The following DZANK1 variants were observed in gnomAD, a reference collection of about 807,000 sequenced individuals.
The protein encoded by DZANK1 is double zinc ribbon and ankyrin repeat-containing protein 1.
DZANK1 carries 91 observed loss-of-function variants against 94.5 expected under a neutral mutation model. The observed-to-expected ratio is 0.96, with a 90% CI of 0.81 to 1.15. The LOEUF is 1.15. Ranked by LOEUF, DZANK1 falls within the 50% of genes most tolerant of loss-of-function variation. DZANK1 has a pLI of 0.00. For synonymous variants in DZANK1, 312 were observed against 325.3 expected (o/e 0.96, Z 0.44); for missense variants, 903 against 916.4 (o/e 0.99, Z 0.19).
intron 10 of DZANK1, among the ~76,000 whole-genome samples, chr20:18,416,009 G>A (rs995039485): frequency 6.6e-6 from 1 of 152,134 alleles, no homozygotes; most frequent in Non-Finnish European, 1.5e-5. Flanking sequence ...TAGGAGACTT[G>A]CTCACTTCCC....
At chr20:18,455,207 T>C in intron 4 of DZANK1, 40 bp downstream of exon 4, 3 of 1,498,982 alleles carry the variant, frequency 2.0e-6, no homozygotes, top group Non-Finnish European at 2.7e-6. Flanking sequence ...GGAACCAAAA[T>C]ACAGTGACAA....
intron 5 of DZANK1, among the ~76,000 whole-genome samples, chr20:18,453,016 G>A (rs904099124): frequency 1.3e-5 from 2 of 152,214 alleles, no homozygotes; most frequent in Non-Finnish European, 2.9e-5. Flanking sequence ...CAGTTGCAAA[G>A]TTAGCAGGAA....
intron 1 of DZANK1, among the ~76,000 whole-genome samples, chr20:18,466,500 G>A (rs1479715199): frequency 6.6e-6 from 1 of 152,180 alleles, no homozygotes; most frequent in Non-Finnish European, 1.5e-5. Context: ...TACAGATACT[G>A]ACAGCACAAC....
At chr20:18,404,521 A>G (rs1395482165) in intron 13 of DZANK1, among the ~76,000 whole-genome samples, 1 of 152,200 alleles carries the variant, frequency 6.6e-6, no homozygotes, top group Non-Finnish European at 1.5e-5. Flanking sequence ...AACAATAACA[A>G]GCCTGGAAGA....
intron 7 of DZANK1, among the ~76,000 whole-genome samples, chr20:18,447,406 C>G (rs1269676532): frequency 6.6e-6 from 1 of 152,228 alleles, no homozygotes; most frequent in African/African-American, 2.4e-5. Context: ...ACTGCAACCT[C>G]CGCCTCCCGG....
At chr20:18,390,179 C>A (rs889173288) in intron 18 of DZANK1, among the ~76,000 whole-genome samples, 200 bp downstream of exon 18, 10 of 152,174 alleles carry the variant, frequency 6.6e-5, no homozygotes, top group Admixed American at 3.9e-4. Context: ...TGCTTCTCTG[C>A]CTATTTTCTC....
intron 9 of DZANK1, among the ~76,000 whole-genome samples, chr20:18,427,697 A>T (rs2058104961): frequency 6.6e-6 from 1 of 152,138 alleles, no homozygotes; most frequent in Admixed American, 6.5e-5. Context: ...CTTAAACAGT[A>T]AACAGAAAGA....
chr20:18,392,998 G>A (rs866601159), intron 17 of DZANK1, among the ~76,000 whole-genome samples: 1 of 152,160 alleles, frequency 6.6e-6, no homozygotes, highest in African/African-American at 2.4e-5. Flanking sequence ...TCTTCCCCAT[G>A]TAAGAAGGGC....
rs2056211995 is a variant in DZANK1, at chr20:18,394,437, CCTT to C, written c.1612-90_1612-88del. 2.3e-6 allele frequency: 3 copies of C among 1,287,438 alleles called. No homozygotes were observed. In the African/African-American group the frequency reaches 4.4e-5, roughly 19 times the overall value. 79.8% of individuals were successfully genotyped at this position (1,287,438 alleles called of 1,614,324 possible). A position where few individuals can be genotyped will look rare whatever the true frequency, so the allele number is the denominator to read the frequency against. ...AGGATCTCCCTTCTAACCTGCTCCT[CCTT>C]ATTAAGTACAGCTCTACCTACCCAG... is the stretch of plus-strand genomic sequence containing the variant. On this transcript the variant is annotated intron_variant, in intron 15 of 20. Transcript: ENST00000262547.
intron 2 of DZANK1, among the ~76,000 whole-genome samples, chr20:18,464,492 T>C (rs181131419): frequency 9.9e-5 from 15 of 152,234 alleles, no homozygotes; most frequent in African/African-American, 3.6e-4. Context: ...TATTCCTGTC[T>C]TACAGTGAGG....
In DZANK1 at chr20:18,409,551, T is replaced by TACACACACAC. The variant is rs71194238; in HGVS notation, c.1432+3085_1432+3094dup. ...ACATGACCCTAGAGAGTAATATGAA[T>TACACACACAC]ACACACACACACACACACACACACA... On this transcript the variant is annotated intron_variant, in intron 13 of 20. Transcript: ENST00000262547. Among the ~76,000 whole-genome samples, 909 of 142,620 alleles carry TACACACACAC rather than the reference T, an allele frequency of 6.4e-3. 4 individuals carry two copies. Among genetic ancestry groups the TACACACACAC allele is most frequent in the African/African-American group, 0.022 (853 of 38,496 alleles). 93.6% of individuals were successfully genotyped at this position (142,620 alleles called of 152,430 possible). A position where few individuals can be genotyped will look rare whatever the true frequency, so the allele number is the denominator to read the frequency against.
rs755013699 is a variant in DZANK1 at position 18,393,704 on chromosome 20, CACTT to C, written c.1809+3_1809+6del. ...AACATCCACAAGGACCAAAAAAAGA[CACTT>C]ACTATAAGCTGCTCCTTCTTTTCTT... On this transcript the variant is annotated splice_donor_5th_base_variant and intron_variant, in intron 17 of 20. Coordinates refer to ENST00000262547, the Ensembl canonical transcript of DZANK1. 7 of 1,580,202 alleles carry C rather than the reference CACTT, an allele frequency of 4.4e-6. No homozygotes were observed. Among genetic ancestry groups the C allele is most frequent in the Non-Finnish European group, 6.1e-6 (7 of 1,154,046 alleles).
At chr20:18,451,457 G>A (rs1241894406) in intron 6 of DZANK1, among the ~76,000 whole-genome samples, 1 of 152,022 alleles carries the variant, frequency 6.6e-6, no homozygotes, top group East Asian at 1.9e-4. Flanking sequence ...CAACCTCTAA[G>A]TTGAGGACTT....
chr20:18,460,106 A>T (rs118072011), intron 3 of DZANK1, 47 bp downstream of exon 3: 23,799 of 1,278,442 alleles, frequency 0.019, 265 homozygotes, highest in Non-Finnish European at 0.021. Flanking sequence ...TTAGAACATA[A>T]TGTTATTATA....
chr20:18,416,945 T>G lies in DZANK1; in HGVS notation c.955-1496A>C, dbSNP rs529030663. Reference sequence around the variant, plus strand: ...AGACTTTTCATTGAAATGTACTGACTGTTCAAGTGGCTTTTAAACATAACA... The same window carrying G: ...AGACTTTTCATTGAAATGTACTGACGGTTCAAGTGGCTTTTAAACATAACA... On this transcript the variant is annotated intron_variant, in intron 10 of 20. Coordinates refer to ENST00000262547, the Ensembl canonical transcript of DZANK1. Among the ~76,000 whole-genome samples the G allele has an allele frequency of 2.0e-5, 3 of 152,010 alleles. No individual in the cohort carries two copies. The East Asian group carries it at 5.8e-4, about 29-fold the overall frequency.
Position 18,399,386 on chromosome 20 carries a change from C to G in DZANK1, c.1433-760G>C, listed in dbSNP as rs367612912. Among the ~76,000 whole-genome samples the G allele has an allele frequency of 1.1e-3, 172 of 152,146 alleles. 2 individuals are homozygous for G. In the Middle Eastern group the frequency reaches 0.017, roughly 15 times the overall value. ...CTGGAAATTCAAGCACGCACCACAA[C>G]GCCTGGCTAGTGTTTGTATTTTTTA... is the stretch of plus-strand genomic sequence containing the variant. On this transcript the variant is annotated intron_variant, in intron 13 of 20. Transcript: ENST00000262547.
intron 1 of DZANK1, among the ~76,000 whole-genome samples, chr20:18,466,118 G>A (rs1357691240): frequency 6.6e-6 from 1 of 152,102 alleles, no homozygotes; most frequent in Non-Finnish European, 1.5e-5. Flanking sequence ...AAGGTTTCAG[G>A]GGGAAAAAAC....
intron 3 of DZANK1, among the ~76,000 whole-genome samples, chr20:18,457,492 A>G (rs2059330071): frequency 6.6e-6 from 1 of 151,024 alleles, no homozygotes; most frequent in African/African-American, 2.4e-5. Flanking sequence ...ACAAATGAAC[A>G]AACAAACAAA....
At chr20:18,394,773 G>A (rs1479040417) in intron 15 of DZANK1, 3 of 458,276 alleles carry the variant, frequency 6.5e-6, no homozygotes, top group East Asian at 6.9e-5. Flanking sequence ...AGGCTGCCAA[G>A]TGTGAATCCT....
Sources: gnomAD v4.1 joint callset for allele counts (sites outside exome capture counted in the v4.1 genomes callset) on GRCh38, gnomAD v4.1.1 for gene constraint, MANE v1.5 for transcripts, NCBI Gene and HGNC (gene_info 2026-07-23, HGNC 2026-07-21) for gene names.